SCGN: variants seen among roughly 807,000 people sequenced by gnomAD.
SCGN encodes the protein secretagogin, EF-hand calcium binding protein.
A neutral mutation model predicts 39.7 loss-of-function variants in SCGN; 30 were observed. The observed-to-expected ratio is 0.76, with a 90% CI of 0.57 to 1.03. The LOEUF is 1.03. Ranked by LOEUF, SCGN falls within the 50% of genes least tolerant of loss-of-function variation. SCGN has a pLI of 0.00. For missense variants in SCGN, 353 were observed against 349.4 expected, an observed-to-expected ratio of 1.01 and a Z score of -0.08; for synonymous variants, 106 against 114.1, an observed-to-expected ratio of 0.93 and a Z score of 0.45.
At chr6:25,655,770 G>C (rs772835623) in intron 2 of SCGN, among the ~76,000 whole-genome samples, 3 of 152,162 alleles carry the variant, frequency 2.0e-5, no homozygotes, top group African/African-American at 7.2e-5. Flanking sequence ...AAGTCAGTTA[G>C]CATGTTTTTT....
chr6:25,689,321 C>G (rs1165023359), intron 8 of SCGN, 104 bp downstream of exon 8: 2 of 1,158,558 alleles, frequency 1.7e-6, no homozygotes, highest in Non-Finnish European at 2.5e-6. Context: ...TACTTTTTAA[C>G]TTATTTAGAA....
intron 6 of SCGN, among the ~76,000 whole-genome samples, chr6:25,677,255 T>C (rs887489865): frequency 2.0e-5 from 3 of 152,218 alleles, no homozygotes; most frequent in East Asian, 1.9e-4. Flanking sequence ...TCTGTCTCTT[T>C]TTCTCAGGGT....
intron 6 of SCGN, among the ~76,000 whole-genome samples, chr6:25,681,558 C>T (rs1387004113): frequency 6.6e-6 from 1 of 152,182 alleles, no homozygotes; most frequent in Admixed American, 6.5e-5. Flanking sequence ...CAGGGATCTG[C>T]TTTGGACAAT....
intron 2 of SCGN, among the ~76,000 whole-genome samples, chr6:25,658,716 T>C (rs953412901): frequency 6.6e-6 from 1 of 152,240 alleles, no homozygotes; most frequent in African/African-American, 2.4e-5. Flanking sequence ...TTATTATCCA[T>C]TTGGGAACTA....
At chr6:25,700,283 T>C (rs1024441330) in intron 10 of SCGN, among the ~76,000 whole-genome samples, 1 of 150,158 alleles carries the variant, frequency 6.7e-6, no homozygotes, top group African/African-American at 2.5e-5. Context: ...GTAAACCACG[T>C]GAGATCCATT....
At chr6:25,671,960 A>G (rs1012899915) in intron 6 of SCGN, among the ~76,000 whole-genome samples, 9 of 152,292 alleles carry the variant, frequency 5.9e-5, no homozygotes, top group South Asian at 2.1e-4. Context: ...TTGTTTGACT[A>G]TCTTTGACTC....
At chr6:25,688,603 C>T (rs1426694635) in intron 7 of SCGN, among the ~76,000 whole-genome samples, 2 of 152,042 alleles carry the variant, frequency 1.3e-5, no homozygotes, top group Non-Finnish European at 2.9e-5. Context: ...AGATCGAGAC[C>T]ATCCTGGCTA....
chr6:25,653,614 T>G lies in SCGN; in HGVS notation c.153+162T>G, dbSNP rs1406927. On this transcript the variant is annotated intron_variant, in intron 2 of 10. Coordinates refer to ENST00000377961, the MANE Select transcript of SCGN (RefSeq NM_006998.4). ...TAGCAACATAGAGGGATTTAGGCAG[T>G]TTTTATAAAAGGTGCAACTGTAGCA... Among the ~76,000 whole-genome samples the G allele has an allele frequency of 0.28, 42,923 of 152,056 alleles. 6,128 individuals are homozygous for G. Among genetic ancestry groups the G allele is most frequent in the African/African-American group, 0.33 (13,756 of 41,444 alleles).
chr6:25,667,615 A>T (rs1760443792), intron 4 of SCGN, among the ~76,000 whole-genome samples: 1 of 152,050 alleles, frequency 6.6e-6, no homozygotes, highest in Admixed American at 6.5e-5. Context: ...ACCACATGTC[A>T]TATTGCTACC....
Position 25,653,411 on chromosome 6 carries a change from G to T in SCGN, c.112G>T (p.Asp38Tyr). The change falls in exon 2 of 11, where the codon GAT (aspartate) becomes TAT (tyrosine). Residue 38 changes from aspartate (D) to tyrosine (Y), a missense_variant. Transcript: ENST00000377961. ...EKGYIEEKEL[D>Y]AFFLHMLMKL... is the part of the protein sequence containing the mutation. Reference sequence around the variant, plus strand: ...AGGTTACATAGAAGAGAAGGAACTCGATGCTTTCTTTCTCCACATGTTGAT... The same window carrying T: ...AGGTTACATAGAAGAGAAGGAACTCTATGCTTTCTTTCTCCACATGTTGAT... The T allele has an allele frequency of 6.2e-7, 1 of 1,612,920 alleles. No homozygotes were observed. The highest frequency in any genetic ancestry group is 8.5e-7 in the Non-Finnish European group (1 of 1,179,222).
At chr6:25,654,444 T>C (rs1399283679) in intron 2 of SCGN, among the ~76,000 whole-genome samples, 1 of 152,192 alleles carries the variant, frequency 6.6e-6, no homozygotes, top group Non-Finnish European at 1.5e-5. Flanking sequence ...TCTCTCTTTT[T>C]TATGTCTATC....
intron 10 of SCGN, among the ~76,000 whole-genome samples, chr6:25,692,220 A>G (rs1479330751): frequency 6.6e-6 from 1 of 152,266 alleles, no homozygotes; most frequent in Non-Finnish European, 1.5e-5. Flanking sequence ...CATTTCACTC[A>G]TTATCTATTT....
chr6:25,697,310 A>G (rs1218481191), intron 10 of SCGN, among the ~76,000 whole-genome samples: 6 of 152,214 alleles, frequency 3.9e-5, no homozygotes, highest in Non-Finnish European at 8.8e-5. Flanking sequence ...TAAATAGCAA[A>G]CTGGAGACAG....
chr6:25,672,051 C>A (rs139777045), intron 6 of SCGN, among the ~76,000 whole-genome samples: 218 of 152,348 alleles, frequency 1.4e-3, no homozygotes, highest in African/African-American at 4.6e-3. Flanking sequence ...CTTCCCCCCT[C>A]ACCAACTTTT....
intron 6 of SCGN, among the ~76,000 whole-genome samples, chr6:25,671,213 G>A (rs757270146): frequency 3.3e-5 from 5 of 152,140 alleles, no homozygotes; most frequent in Admixed American, 6.5e-5. Context: ...TATTGTTCAC[G>A]CAATTTTATG....
intron 3 of SCGN, among the ~76,000 whole-genome samples, chr6:25,663,209 T>A (rs1460990121): frequency 6.6e-6 from 1 of 152,204 alleles, no homozygotes; most frequent in African/African-American, 2.4e-5. Context: ...ATTGACCATT[T>A]CACTTACTCC....
intron 6 of SCGN, among the ~76,000 whole-genome samples, chr6:25,672,370 T>C (rs1411855662): frequency 2.6e-5 from 4 of 151,660 alleles, no homozygotes; most frequent in African/African-American, 9.7e-5. Flanking sequence ...TAACAGAGGG[T>C]GATGAGTGTT....
intron 2 of SCGN, among the ~76,000 whole-genome samples, chr6:25,655,226 C>T (rs1185792825): frequency 6.6e-6 from 1 of 152,232 alleles, no homozygotes; most frequent in Non-Finnish European, 1.5e-5. Flanking sequence ...GGACCTGGAA[C>T]TTCTCACCTT....
intron 6 of SCGN, among the ~76,000 whole-genome samples, chr6:25,672,606 C>T (rs748564313): frequency 6.6e-6 from 1 of 152,126 alleles, no homozygotes; most frequent in Non-Finnish European, 1.5e-5. Context: ...ATGGCTGGAG[C>T]AGAGCAAGAA....
Sources: allele counts gnomAD v4.1 joint callset (sites outside exome capture counted in the v4.1 genomes callset), GRCh38; gene constraint gnomAD v4.1.1; transcripts MANE v1.5; gene names NCBI Gene and HGNC (gene_info 2026-07-23, HGNC 2026-07-21).